The following GFPT2 variants were observed in gnomAD, a reference collection of about 807,000 sequenced individuals.
GFPT2 encodes glutamine--fructose-6-phosphate transaminase 2.
A neutral mutation model predicts 85.6 loss-of-function variants in GFPT2; 62 were observed. The observed-to-expected ratio is 0.72, with a 90% confidence interval of 0.59 to 0.90. The LOEUF is 0.90. GFPT2 is among the 40% of genes least tolerant of loss of function. The pLI is 0.00. For synonymous variants in GFPT2, 368 were observed against 344.5 expected (o/e 1.07, Z -0.75); for missense variants, 788 against 893.4 (o/e 0.88, Z 1.50).
chr5:180,313,917 CG>C lies in GFPT2; in HGVS notation c.1320del (p.Gly441AlafsTer47). The C allele has an allele frequency of 6.9e-6, 11 of 1,605,772 alleles. No individual in the cohort carries two copies. Among genetic ancestry groups the C allele is most frequent in the Non-Finnish European group, 9.3e-6 (11 of 1,179,458 alleles). On this transcript the variant is annotated frameshift_variant, in exon 14 of 19. Transcript: ENST00000253778. LOFTEE classifies it high-confidence loss of function. ...TLLALRYCKD[R>X]GALTVGVTNT... Reference sequence around the variant, plus strand: ...TTGGTGACGCCCACGGTGAGAGCGCCGCGGTCCTTACAGTAGCGCAGCGCCA... The same window carrying C: ...TTGGTGACGCCCACGGTGAGAGCGCCCGGTCCTTACAGTAGCGCAGCGCCA...
intron 1 of GFPT2, among the ~76,000 whole-genome samples, chr5:180,343,643 T>C (rs908723791): frequency 1.3e-5 from 2 of 152,270 alleles, no homozygotes; most frequent in African/African-American, 2.4e-5. Context: ...TGCACTCAAG[T>C]GAATAAAATA....
chr5:180,304,584 G>A (rs1417355394), intron 17 of GFPT2, among the ~76,000 whole-genome samples, 188 bp downstream of exon 17: 1 of 152,262 alleles, frequency 6.6e-6, no homozygotes, highest in African/African-American at 2.4e-5. Flanking sequence ...AGCTGTGTGG[G>A]ACAGCTGCGG....
At chr5:180,350,471 TC>T (rs1411949588) in intron 1 of GFPT2, among the ~76,000 whole-genome samples, 1 of 152,196 alleles carries the variant, frequency 6.6e-6, no homozygotes, top group Non-Finnish European at 1.5e-5. Context: ...ACTGCCCTGA[TC>T]GGCATCCCGT....
chr5:180,313,363 G>T (rs1186234490), intron 14 of GFPT2, among the ~76,000 whole-genome samples: 1 of 151,240 alleles, frequency 6.6e-6, no homozygotes, highest in African/African-American at 2.4e-5. Flanking sequence ...AGGCCGAGGC[G>T]GGCGGATCAC....
chr5:180,353,040 T>C (rs1421173690), intron 1 of GFPT2, 171 bp downstream of exon 1: 1 of 452,778 alleles, frequency 2.2e-6, no homozygotes. Context: ...GGAACGCGGG[T>C]GAGGGGCAGC....
In GFPT2 at chr5:180,328,431, G is replaced by T; in HGVS notation, c.535-93C>A. ...AGGTGCGTCTCCCTGGGCCCCTCCT[G>T]ATGGCGGGAGGTCCTGGGGTCCCTC... On this transcript the variant is annotated intron_variant, in intron 6 of 18. Coordinates refer to ENST00000253778, the MANE Select transcript of GFPT2 (RefSeq NM_005110.4). The surrounding 1 kb of genome is among the most constrained non-coding windows in gnomAD (Gnocchi z 5.4). 1.0e-6 allele frequency: 1 copy of T among 971,630 alleles called. No homozygotes were observed. The highest frequency in any genetic ancestry group is 1.3e-5 in the South Asian group (1 of 76,856). 60.2% of individuals were successfully genotyped at this position (971,630 alleles called of 1,614,324 possible). A position where few individuals can be genotyped will look rare whatever the true frequency, so the allele number is the denominator to read the frequency against.
At chr5:180,324,544 C>A (rs1446901700) in intron 8 of GFPT2, 4 of 585,806 alleles carry the variant, frequency 6.8e-6, no homozygotes, top group Admixed American at 3.2e-5. Flanking sequence ...GCACTCACAT[C>A]AAAGCCCAGT....
Position 180,318,757 on chromosome 5 carries a change from C to CGAGGCTGCCGCACGTGGACTCTG in GFPT2, c.958+13_958+35dup. ...GAGCTCCACCAGGCGCGCTGGCTCC[C>CGAGGCTGCCGCACGTGGACTCTG]GAGGCTGCCGCACGTGGACTCTGGA... On this transcript the variant is annotated intron_variant, in intron 10 of 18. Coordinates refer to ENST00000253778, the MANE Select transcript of GFPT2 (RefSeq NM_005110.4). This position sits in a 1 kb window ranked among gnomAD's most constrained non-coding sequence, Gnocchi z 4.2. 2 of 1,594,072 alleles carry CGAGGCTGCCGCACGTGGACTCTG rather than the reference C, an allele frequency of 1.3e-6. No homozygotes were observed. The highest frequency in any genetic ancestry group is 8.6e-7 in the Non-Finnish European group (1 of 1,164,218).
intron 3 of GFPT2, 44 bp from the exon 4 acceptor site, chr5:180,335,997 C>T (rs1406675195): frequency 2.6e-6 from 4 of 1,538,268 alleles, no homozygotes; most frequent in Non-Finnish European, 3.5e-6. Flanking sequence ...AACAACAAGC[C>T]TCGACCCAGG....
chr5:180,301,739 G>A (rs1181133616), intron 18 of GFPT2, 131 bp from the exon 19 acceptor site: 14 of 736,840 alleles, frequency 1.9e-5, no homozygotes, highest in African/African-American at 3.5e-5. Context: ...AGAGACCTGC[G>A]TCTTGGAGGC....
intron 14 of GFPT2, among the ~76,000 whole-genome samples, chr5:180,313,547 G>C (rs962273904): frequency 6.6e-6 from 1 of 151,500 alleles, no homozygotes; most frequent in Non-Finnish European, 1.5e-5. Flanking sequence ...CCGAGATCGC[G>C]CCCCTGCACT....
Position 180,330,969 on chromosome 5 carries a change from A to T in GFPT2, c.400-135T>A. The T allele has an allele frequency of 2.6e-6, 2 of 772,414 alleles. No homozygotes were observed. Among genetic ancestry groups the T allele is most frequent in the Non-Finnish European group, 2.1e-6 (1 of 487,668 alleles). 47.8% of individuals were successfully genotyped at this position (772,414 alleles called of 1,614,324 possible). A position where few individuals can be genotyped will look rare whatever the true frequency, so the allele number is the denominator to read the frequency against. On this transcript the variant is annotated intron_variant, in intron 5 of 18. Coordinates refer to ENST00000253778, the MANE Select transcript of GFPT2 (RefSeq NM_005110.4). This position sits in a 1 kb window ranked among gnomAD's most constrained non-coding sequence, Gnocchi z 4.4. ...ACAGGGAAAACCGGGAAGGGGGGAA[A>T]AATGTTTGCCAGCATCACAGCCAAA... is the stretch of plus-strand genomic sequence containing the variant.
intron 1 of GFPT2, among the ~76,000 whole-genome samples, chr5:180,339,151 G>A (rs1764460400): frequency 6.6e-6 from 1 of 152,078 alleles, no homozygotes; most frequent in Non-Finnish European, 1.5e-5. Flanking sequence ...AGGCCGAGGT[G>A]GGTGGATCAC....
intron 1 of GFPT2, chr5:180,353,007 A>G: frequency 2.5e-6 from 1 of 397,726 alleles, no homozygotes; most frequent in East Asian, 3.9e-5. Flanking sequence ...TCCCCCACCC[A>G]CACCTCCGAG....
rs773241149 is a variant in GFPT2 at position 180,324,308 on chromosome 5, A to G, written c.677-3T>C. ...ATTCTTCACATTCTCCAGAGTGCCT[A>G]GCAAATGGAGGAATGGGTTGCAAAT... On this transcript the variant is annotated splice_region_variant and splice_polypyrimidine_tract_variant and intron_variant, in intron 8 of 18. Coordinates refer to ENST00000253778, the MANE Select transcript of GFPT2 (RefSeq NM_005110.4). 2.0e-6 allele frequency: 3 copies of G among 1,504,132 alleles called. No individual in the cohort carries two copies. The African/African-American group carries it at 4.1e-5, about 21-fold the overall frequency. 93.2% of individuals were successfully genotyped at this position (1,504,132 alleles called of 1,614,324 possible).
In GFPT2 at chr5:180,303,101, G is replaced by A. The variant is rs903335561; in HGVS notation, c.1843-517C>T. Among the ~76,000 whole-genome samples the A allele has an allele frequency of 1.4e-5, 2 of 144,094 alleles. 1 individual carries two copies. Among genetic ancestry groups the A allele is most frequent in the African/African-American group, 4.9e-5 (2 of 40,730 alleles). 94.5% of individuals were successfully genotyped at this position (144,094 alleles called of 152,430 possible). A position where few individuals can be genotyped will look rare whatever the true frequency, so the allele number is the denominator to read the frequency against. On this transcript the variant is annotated intron_variant, in intron 17 of 18. Coordinates refer to ENST00000253778, the MANE Select transcript of GFPT2 (RefSeq NM_005110.4). ...AAAAATTAGCCGGGTGTGGTGGCGG[G>A]GGCCTGTAGTCCCAGCTACTGGGGA...
At chr5:180,324,927 T>C (rs367612112) in intron 7 of GFPT2, 32 bp from the exon 8 acceptor site, 29 of 1,404,126 alleles carry the variant, frequency 2.1e-5, no homozygotes, top group Non-Finnish European at 2.7e-5. Flanking sequence ...CCATTACCCA[T>C]TGCCTTTGAC....
intron 3 of GFPT2, chr5:180,336,215 A>C (rs1033033465): frequency 3.5e-6 from 2 of 577,804 alleles, no homozygotes; most frequent in Non-Finnish European, 6.1e-6. Flanking sequence ...ATAAACAGAG[A>C]AGCAGTATCA....
chr5:180,339,285 CAGG>C (rs1405814889), intron 1 of GFPT2, among the ~76,000 whole-genome samples: 1 of 147,582 alleles, frequency 6.8e-6, no homozygotes, highest in Non-Finnish European at 1.5e-5. Flanking sequence ...GAGGCTGGGG[CAGG>C]AGAATTGCTT....
Sources: allele counts gnomAD v4.1 joint callset (sites outside exome capture counted in the v4.1 genomes callset), GRCh38; gene constraint gnomAD v4.1.1; non-coding constraint Gnocchi (gnomAD v3.1); transcripts MANE v1.5; gene names NCBI Gene and HGNC (gene_info 2026-07-23, HGNC 2026-07-21).